The following SMARCC1 variants were observed in gnomAD, a reference collection of about 807,000 sequenced individuals.
SMARCC1 encodes SWI/SNF complex subunit SMARCC1.
SMARCC1 carries 43 observed loss-of-function variants against 147.4 expected under a neutral mutation model. The observed-to-expected ratio is 0.29, with a 90% CI of 0.23 to 0.38. The LOEUF (loss-of-function observed/expected upper bound fraction) is 0.38, where lower values mean the gene tolerates loss of function less well. Ranked by LOEUF, SMARCC1 falls within the 10% of genes least tolerant of loss-of-function variation. The probability of loss-of-function intolerance (pLI) is 1.00; values close to 1 mark genes in which losing one functional copy is unlikely to be tolerated. For synonymous variants in SMARCC1, 495 were observed against 484.4 expected (o/e 1.02, Z -0.29); for missense variants, 1,119 against 1,381.1 (o/e 0.81, Z 3.01).
intron 21 of SMARCC1, among the ~76,000 whole-genome samples, chr3:47,652,857 A>G (rs1209604769): frequency 6.6e-6 from 1 of 152,194 alleles, no homozygotes; most frequent in Non-Finnish European, 1.5e-5. Flanking sequence ...CCCTTCTCAT[A>G]AGAAAACACT....
At chr3:47,680,992 C>G (rs1402709426) in intron 14 of SMARCC1, among the ~76,000 whole-genome samples, 1 of 152,204 alleles carries the variant, frequency 6.6e-6, no homozygotes, top group African/African-American at 2.4e-5. Flanking sequence ...GGAAAGCTTT[C>G]TCTTTCTCAC....
At chr3:47,694,741 A>C (rs983764744) in intron 11 of SMARCC1, among the ~76,000 whole-genome samples, 4 of 152,226 alleles carry the variant, frequency 2.6e-5, no homozygotes, top group Admixed American at 6.5e-5. Context: ...TGAAAATCTT[A>C]TAGATGAAAA....
chr3:47,689,471 C>A lies in SMARCC1; in HGVS notation c.1226-47G>T, dbSNP rs759106127. The stretch of plus-strand genomic sequence containing the variant: ...TTCATTTTAAAAACAGGTAAATGTT[C>A]TTTGGGTTATTTGGAAAATTAATGG... On this transcript the variant is annotated intron_variant, in intron 12 of 27. Transcript: ENST00000254480. 28 of 1,529,508 alleles carry A rather than the reference C, an allele frequency of 1.8e-5. No homozygotes were observed. The South Asian group carries it at 3.0e-4, about 17-fold the overall frequency. The allele number at this position is 1,529,508 out of a possible 1,614,324, so 94.7% of individuals were successfully genotyped here.
At chr3:47,614,518 G>C (rs952900004) in intron 25 of SMARCC1, among the ~76,000 whole-genome samples, 3 of 151,990 alleles carry the variant, frequency 2.0e-5, no homozygotes, top group African/African-American at 7.2e-5. Context: ...ATTCTTTTTT[G>C]CTGTTCTTTC....
chr3:47,740,178 CTTTT>C (rs34523367), intron 3 of SMARCC1, among the ~76,000 whole-genome samples: 4 of 35,706 alleles, frequency 1.1e-4, no homozygotes, highest in East Asian at 1.2e-3. Context: ...GCCCGGCCAT[CTTTT>C]TTTTTTTTTT....
At chr3:47,645,803 G>A (rs2033113739) in intron 21 of SMARCC1, among the ~76,000 whole-genome samples, 1 of 152,146 alleles carries the variant, frequency 6.6e-6, no homozygotes. Context: ...TTCTGTATTG[G>A]TAAGGCAAGC....
intron 5 of SMARCC1, among the ~76,000 whole-genome samples, chr3:47,731,602 A>G (rs1206712559): frequency 6.6e-6 from 1 of 152,244 alleles, no homozygotes; most frequent in Non-Finnish European, 1.5e-5. Context: ...CTTGAAAGTC[A>G]AAATACTCCT....
chr3:47,747,448 A>AATATAAATATAAATATAAATATAT (rs2034577325), intron 2 of SMARCC1, among the ~76,000 whole-genome samples: 1 of 144,152 alleles, frequency 6.9e-6, no homozygotes, highest in South Asian at 2.2e-4. Flanking sequence ...AAAAAATATA[A>AATATAAATATAAATATAAATATAT]ATATAAATAT....
intron 13 of SMARCC1, 97 bp from the exon 14 acceptor site, chr3:47,686,267 A>C (rs150892348): frequency 6.3e-5 from 60 of 954,086 alleles, no homozygotes; most frequent in African/African-American, 1.0e-4. Flanking sequence ...AAATAAAATG[A>C]AGCTCCCCGA....
intron 24 of SMARCC1, among the ~76,000 whole-genome samples, chr3:47,634,644 A>G (rs2032944527): frequency 6.6e-6 from 1 of 152,208 alleles, no homozygotes; most frequent in South Asian, 2.1e-4. Context: ...CAGAGAGGAA[A>G]GTAACATTCT....
At chr3:47,737,389 A>G (rs966774076) in intron 4 of SMARCC1, among the ~76,000 whole-genome samples, 1 of 152,152 alleles carries the variant, frequency 6.6e-6, no homozygotes, top group African/African-American at 2.4e-5. Flanking sequence ...ACAGAGTGAG[A>G]CCCTGTCTCA....
At chr3:47,730,179 TA>T (rs908258320) in intron 5 of SMARCC1, among the ~76,000 whole-genome samples, 1 of 151,412 alleles carries the variant, frequency 6.6e-6, no homozygotes, top group Non-Finnish European at 1.5e-5. Flanking sequence ...CTCAAAAAAA[TA>T]AAAAATAAAA....
At chr3:47,698,370 C>T (rs2033879508) in intron 11 of SMARCC1, among the ~76,000 whole-genome samples, 4 of 151,968 alleles carry the variant, frequency 2.6e-5, no homozygotes, top group Admixed American at 2.6e-4. Context: ...TAAATGTGTT[C>T]TTTCGAAGAC....
At chr3:47,608,849 TAAAAAAA>T (rs35698988) in intron 26 of SMARCC1, among the ~76,000 whole-genome samples, 39 of 86,864 alleles carry the variant, frequency 4.5e-4, no homozygotes, top group African/African-American at 1.0e-3. Flanking sequence ...ACAGTGTCTT[TAAAAAAA>T]AAAAAAAAAA....
chr3:47,654,003 G>A (rs1345880633), intron 21 of SMARCC1, among the ~76,000 whole-genome samples: 1 of 152,204 alleles, frequency 6.6e-6, no homozygotes, highest in Non-Finnish European at 1.5e-5. Flanking sequence ...AACCAAGGTT[G>A]CTAGATACTT....
chr3:47,617,934 CT>C (rs997246855), intron 25 of SMARCC1, among the ~76,000 whole-genome samples: 4 of 152,214 alleles, frequency 2.6e-5, no homozygotes, highest in African/African-American at 9.6e-5. Context: ...ATTTTGTGTG[CT>C]TTTTCATACT....
chr3:47,766,890 A>G (rs975440521), intron 2 of SMARCC1, among the ~76,000 whole-genome samples: 3 of 152,110 alleles, frequency 2.0e-5, no homozygotes, highest in Non-Finnish European at 4.4e-5. Context: ...GTTACTATAT[A>G]AAGTTCCACT....
intron 14 of SMARCC1, among the ~76,000 whole-genome samples, chr3:47,683,668 G>A (rs550861093): frequency 2.3e-4 from 35 of 151,454 alleles, no homozygotes; most frequent in African/African-American, 6.0e-4. Flanking sequence ...GCCTGGTGGT[G>A]AGCCGAGATT....
chr3:47,780,049 A>G (rs569478475), intron 1 of SMARCC1, among the ~76,000 whole-genome samples: 36 of 152,276 alleles, frequency 2.4e-4, no homozygotes, highest in African/African-American at 8.4e-4. Context: ...CAGACACCTA[A>G]AAATATAATT....
Sources: gnomAD v4.1 joint callset for allele counts (sites outside exome capture counted in the v4.1 genomes callset) on GRCh38, gnomAD v4.1.1 for gene constraint, MANE v1.5 for transcripts, NCBI Gene and HGNC (gene_info 2026-07-23, HGNC 2026-07-21) for gene names.